Variants in KLHL29 observed in about 807,000 individuals in gnomAD.
The protein encoded by KLHL29 is kelch like family member 29.
In KLHL29, 21 loss-of-function variants were observed where a neutral mutation model predicts 80.4. The observed-to-expected ratio is 0.26, with a 90% CI of 0.19 to 0.38. KLHL29 has a LOEUF of 0.38. KLHL29 is among the 10% of genes least tolerant of loss of function. The pLI is 1.00. For missense variants in KLHL29, 867 were observed against 1,223.9 expected, an observed-to-expected ratio of 0.71 and a Z score of 4.35; for synonymous variants, 511 against 526.8, an observed-to-expected ratio of 0.97 and a Z score of 0.41.
At chr2:23,517,596 T>A (rs1038598597) in intron 2 of KLHL29, among the ~76,000 whole-genome samples, 7 of 139,780 alleles carry the variant, frequency 5.0e-5, no homozygotes, top group Non-Finnish European at 1.1e-4. Flanking sequence ...ATTTGGTCCT[T>A]TCCAGAATCT....
At chr2:23,561,241 G>T (rs1177198201) in intron 2 of KLHL29, among the ~76,000 whole-genome samples, 1 of 152,176 alleles carries the variant, frequency 6.6e-6, no homozygotes, top group Non-Finnish European at 1.5e-5. Flanking sequence ...TCTTGACCGA[G>T]AGTAACACCA....
rs375849940 is a variant in KLHL29, at chr2:23,394,569, A to T, written c.-154+8789A>T. ...AGGGAGGAAGGATCCTGTCCTCCAG[A>T]CACCTGCCTACCTATGGAGAAGGAA... On this transcript the variant is annotated intron_variant, in intron 1 of 13. Transcript: ENST00000486442. 6.0e-4 allele frequency among the ~76,000 whole-genome samples: 92 copies of T among 152,354 alleles called. 1 individual carries two copies. Among genetic ancestry groups the T allele is most frequent in the African/African-American group, 2.1e-3 (86 of 41,588 alleles).
chr2:23,434,308 G>T (rs1047275453), intron 1 of KLHL29, among the ~76,000 whole-genome samples: 1 of 114,096 alleles, frequency 8.8e-6, no homozygotes, highest in Non-Finnish European at 1.7e-5. Flanking sequence ...GAGACACAGC[G>T]AGACTCCGTC....
At chr2:23,583,794 C>G (rs939357374) in intron 3 of KLHL29, among the ~76,000 whole-genome samples, 1 of 152,240 alleles carries the variant, frequency 6.6e-6, no homozygotes, top group Admixed American at 6.5e-5. Context: ...AATCAAAAAA[C>G]CACATAAGCC....
intron 2 of KLHL29, among the ~76,000 whole-genome samples, chr2:23,532,860 GGA>G (rs1468487034): frequency 1.3e-5 from 2 of 152,194 alleles, no homozygotes; most frequent in Non-Finnish European, 2.9e-5. Flanking sequence ...GCTACCAACT[GGA>G]GAGAGACGAA....
chr2:23,676,963 C>G (rs1022096711), intron 5 of KLHL29, among the ~76,000 whole-genome samples: 1 of 152,202 alleles, frequency 6.6e-6, no homozygotes, highest in East Asian at 1.9e-4. Flanking sequence ...GTGACTAGAT[C>G]TAGGTCTCCC....
chr2:23,622,223 G>T (rs561963807), intron 3 of KLHL29, among the ~76,000 whole-genome samples: 37 of 152,242 alleles, frequency 2.4e-4, no homozygotes, highest in African/African-American at 8.2e-4. Flanking sequence ...ATGCCCTGTT[G>T]TTCTGACCCC....
intron 3 of KLHL29, among the ~76,000 whole-genome samples, chr2:23,571,460 G>C (rs560449386): frequency 6.6e-6 from 1 of 152,124 alleles, no homozygotes; most frequent in Non-Finnish European, 1.5e-5. Flanking sequence ...CCACCACCTC[G>C]CAGGCTCAGA....
At chr2:23,588,951 C>G (rs1459275215) in intron 3 of KLHL29, among the ~76,000 whole-genome samples, 1 of 152,240 alleles carries the variant, frequency 6.6e-6, no homozygotes, top group Non-Finnish European at 1.5e-5. Flanking sequence ...AGACACCGGG[C>G]CTCCCGGCCA....
Position 23,696,011 on chromosome 2 carries a change from C to A in KLHL29, c.1802C>A (p.Ser601Ter). The change falls in exon 10 of 14, where the codon TCG becomes TAG. Residue 601 changes from serine (S) to a stop codon, truncating the protein, a stop_gained. Coordinates refer to ENST00000486442, the MANE Select transcript of KLHL29 (RefSeq NM_052920.2). LOFTEE classifies it high-confidence loss of function. The surrounding 1 kb of genome is among the most constrained non-coding windows in gnomAD (Gnocchi z 5.5). Reference protein sequence around the residue: ...GRQMVGMTQRSLVAVTCWNPQ... With the variant: ...GRQMVGMTQR Reference sequence around the variant, plus strand: ...CAGATGGTGGGGATGACCCAGCGCTCGCTGGTGGCCGTCACCTGCTGGAAC... The same window carrying A: ...CAGATGGTGGGGATGACCCAGCGCTAGCTGGTGGCCGTCACCTGCTGGAAC... 1 of 1,551,696 alleles carries A rather than the reference C, an allele frequency of 6.4e-7. No individual in the cohort carries two copies. Among genetic ancestry groups the A allele is most frequent in the Non-Finnish European group, 8.7e-7 (1 of 1,147,000 alleles).
chr2:23,436,556 G>A (rs912407256), intron 1 of KLHL29, among the ~76,000 whole-genome samples: 1 of 152,114 alleles, frequency 6.6e-6, no homozygotes, highest in African/African-American at 2.4e-5. Context: ...TGAGTCACAG[G>A]TGTGGATCTG....
At chr2:23,395,690 A>G (rs901794009) in intron 1 of KLHL29, among the ~76,000 whole-genome samples, 1 of 151,760 alleles carries the variant, frequency 6.6e-6, no homozygotes, top group Non-Finnish European at 1.5e-5. Flanking sequence ...GGTTGCAGTG[A>G]GCTGAGATCG....
chr2:23,606,027 C>T lies in KLHL29; in HGVS notation c.286-33112C>T, dbSNP rs189784328. ...TCAGTGATCTGCCCACCTCAGCCTC[C>T]CAAAGTGCTGGGATTACAGGTGTGA... On this transcript the variant is annotated intron_variant, in intron 3 of 13. Transcript: ENST00000486442. Among the ~76,000 whole-genome samples, 6 of 152,202 alleles carry T rather than the reference C, an allele frequency of 3.9e-5. No individual in the cohort carries two copies. In the East Asian group the frequency reaches 1.2e-3, roughly 29 times the overall value.
rs187316918 is a variant in KLHL29 at position 23,500,071 on chromosome 2, G to T, written c.-46+24404G>T. Reference sequence around the variant, plus strand: ...ACAGCAGGCCCTGTGCTGTCCGCCAGCAAGATAACAGTGAATGAAAACATC... The same window carrying T: ...ACAGCAGGCCCTGTGCTGTCCGCCATCAAGATAACAGTGAATGAAAACATC... On this transcript the variant is annotated intron_variant, in intron 2 of 13. Coordinates refer to ENST00000486442, the MANE Select transcript of KLHL29 (RefSeq NM_052920.2). 2.5e-4 allele frequency among the ~76,000 whole-genome samples: 38 copies of T among 152,324 alleles called. 2 individuals carry two copies. Among genetic ancestry groups the T allele is most frequent in the Admixed American group, 1.6e-3 (25 of 15,306 alleles).
intron 3 of KLHL29, among the ~76,000 whole-genome samples, chr2:23,632,835 G>A (rs1669504722): frequency 1.3e-5 from 2 of 152,220 alleles, no homozygotes; most frequent in African/African-American, 2.4e-5. Context: ...GCATGGACTC[G>A]GAGCAGTGCT....
chr2:23,476,327 A>G (rs144578233), intron 2 of KLHL29, among the ~76,000 whole-genome samples: 52 of 152,228 alleles, frequency 3.4e-4, no homozygotes, highest in African/African-American at 1.2e-3. Context: ...ATGTATTATT[A>G]AATATCATGA....
intron 1 of KLHL29, among the ~76,000 whole-genome samples, chr2:23,401,176 A>C (rs1666590940): frequency 6.6e-6 from 1 of 152,178 alleles, no homozygotes; most frequent in Non-Finnish European, 1.5e-5. Context: ...GACAACTTCA[A>C]CTGTTGCTCT....
intron 3 of KLHL29, among the ~76,000 whole-genome samples, chr2:23,586,987 G>A (rs575436298): frequency 2.0e-5 from 3 of 152,144 alleles, no homozygotes; most frequent in Non-Finnish European, 4.4e-5. Flanking sequence ...GATGTGCTCC[G>A]TCTTATTGTT....
intron 1 of KLHL29, among the ~76,000 whole-genome samples, chr2:23,423,418 T>C (rs181467570): frequency 3.9e-4 from 59 of 152,356 alleles, no homozygotes; most frequent in Non-Finnish European, 6.9e-4. Context: ...GCGCGGGCTG[T>C]CCCCTGCTTT....
Sources: allele counts gnomAD v4.1 joint callset (sites outside exome capture counted in the v4.1 genomes callset), GRCh38; gene constraint gnomAD v4.1.1; non-coding constraint Gnocchi (gnomAD v3.1); transcripts MANE v1.5; gene names NCBI Gene and HGNC (gene_info 2026-07-23, HGNC 2026-07-21).